The following GLDC variants were observed in gnomAD, a reference collection of about 807,000 sequenced individuals.
GLDC encodes glycine decarboxylase.
GLDC carries 104 observed loss-of-function variants against 121.3 expected under a neutral mutation model. The ratio of observed to expected loss-of-function variants is 0.86; its 90% CI spans 0.73 to 1.01. The LOEUF is 1.01. GLDC is among the 50% of genes least tolerant of loss of function. The probability of loss-of-function intolerance (pLI) is 0.00; values close to 1 mark genes in which losing one functional copy is unlikely to be tolerated. For missense variants in GLDC, 1,429 were observed against 1,306.6 expected (o/e 1.09, Z -1.44); for synonymous variants, 546 against 480.6 (o/e 1.14, Z -1.78).
chr9:6,536,036 T>C, intron 23 of GLDC, 28 bp downstream of exon 23: 1 of 1,597,598 alleles, frequency 6.3e-7, no homozygotes, highest in African/African-American at 1.3e-5. Context: ...TAAGGAACAT[T>C]TCAAGCAATG....
chr9:6,601,553 G>A (rs374780408), intron 8 of GLDC, among the ~76,000 whole-genome samples: 4 of 152,144 alleles, frequency 2.6e-5, no homozygotes, highest in African/African-American at 9.7e-5. Context: ...GTATGGTGAA[G>A]AGAAAGCATA....
In GLDC at chr9:6,607,669, G is replaced by C. The variant is rs551286021; in HGVS notation, c.636-1000C>G. 1.3e-4 allele frequency among the ~76,000 whole-genome samples: 20 copies of C among 151,660 alleles called. No homozygotes were observed. In the South Asian group the frequency reaches 3.6e-3, roughly 27 times the overall value. ...TTTATTTTTGGTGGGGGGAGAACAG[G>C]GTCTCGGTCTATCGCTCAGGCTGGA... On this transcript the variant is annotated intron_variant, in intron 4 of 24. Coordinates refer to ENST00000321612, the MANE Select transcript of GLDC (RefSeq NM_000170.3).
rs542056100 is a variant in GLDC, at chr9:6,536,063, C to T, written c.2838+1G>A. The T allele has an allele frequency of 1.2e-6, 2 of 1,612,396 alleles. No individual in the cohort carries two copies. The highest frequency in any genetic ancestry group is 2.7e-5 in the African/African-American group (2 of 74,912). On this transcript the variant is annotated splice_donor_variant, in intron 23 of 24. Coordinates refer to ENST00000321612, the MANE Select transcript of GLDC (RefSeq NM_000170.3). LOFTEE classifies it high-confidence loss of function. The stretch of plus-strand genomic sequence containing the variant: ...CAAGCAATGTTCCAGGGCCTACGCA[C>T]CTTCAGCGGATTGACCCTGGGGTCG...
chr9:6,625,416 G>A (rs983568192), intron 2 of GLDC, among the ~76,000 whole-genome samples: 1 of 152,204 alleles, frequency 6.6e-6, no homozygotes, highest in Non-Finnish European at 1.5e-5. Context: ...TATTATAGTA[G>A]TTGAAATAAT....
chr9:6,639,261 C>T (rs1819576398), intron 2 of GLDC: 1 of 901,220 alleles, frequency 1.1e-6, no homozygotes, highest in East Asian at 2.4e-5. Flanking sequence ...AAAAGAAGAT[C>T]CGCACATCAC....
intron 3 of GLDC, among the ~76,000 whole-genome samples, chr9:6,611,983 A>T (rs1235665095): frequency 8.4e-6 from 1 of 119,088 alleles, no homozygotes; most frequent in Non-Finnish European, 1.9e-5. Flanking sequence ...GTCTGATTCA[A>T]GATCACAACT....
intron 15 of GLDC, among the ~76,000 whole-genome samples, chr9:6,575,493 G>T (rs955517881): frequency 1.3e-5 from 2 of 152,186 alleles, no homozygotes; most frequent in African/African-American, 4.8e-5. Flanking sequence ...ACTCTGTAGG[G>T]TGAGGCTCAG....
intron 16 of GLDC, among the ~76,000 whole-genome samples, chr9:6,560,615 A>AT (rs965358731): frequency 6.6e-6 from 1 of 152,230 alleles, no homozygotes; most frequent in African/African-American, 2.4e-5. Flanking sequence ...CAGAATATTG[A>AT]TAAGAAGGAG....
chr9:6,555,773 CAG>C (rs1472294759), intron 18 of GLDC, among the ~76,000 whole-genome samples: 1 of 151,990 alleles, frequency 6.6e-6, no homozygotes, highest in Non-Finnish European at 1.5e-5. Flanking sequence ...GCCTTGGCGA[CAG>C]AGTGAGACTC....
chr9:6,545,132 C>A (rs963593380), intron 21 of GLDC, among the ~76,000 whole-genome samples: 1 of 152,004 alleles, frequency 6.6e-6, no homozygotes, highest in Non-Finnish European at 1.5e-5. Context: ...TATCATCTTA[C>A]CTGAGGTAAT....
At chr9:6,603,592 C>T (rs1036432256) in intron 7 of GLDC, among the ~76,000 whole-genome samples, 1 of 152,048 alleles carries the variant, frequency 6.6e-6, no homozygotes, top group African/African-American at 2.4e-5. Context: ...ATTATCATCA[C>T]ATCATTGACT....
At chr9:6,635,772 G>C (rs952750221) in intron 2 of GLDC, among the ~76,000 whole-genome samples, 1 of 152,122 alleles carries the variant, frequency 6.6e-6, no homozygotes, top group African/African-American at 2.4e-5. Flanking sequence ...CTACTTGGAA[G>C]GCTGAGGTGA....
intron 3 of GLDC, among the ~76,000 whole-genome samples, chr9:6,611,608 T>G (rs981750424): frequency 6.6e-6 from 1 of 152,048 alleles, no homozygotes; most frequent in African/African-American, 2.4e-5. Context: ...TCAGCAAATA[T>G]GTTTTACAGC....
At chr9:6,553,256 C>G in intron 20 of GLDC, 112 bp downstream of exon 20, 2 of 955,106 alleles carry the variant, frequency 2.1e-6, no homozygotes, top group South Asian at 2.8e-5. Context: ...TGAACCACAT[C>G]TCAGATCATG....
At chr9:6,564,545 G>C (rs1397856006) in intron 16 of GLDC, among the ~76,000 whole-genome samples, 2 of 152,296 alleles carry the variant, frequency 1.3e-5, no homozygotes, top group East Asian at 1.9e-4. Context: ...CAACTCTCTA[G>C]TATCAGCAGA....
chr9:6,643,845 C>G (rs1436199909), intron 2 of GLDC, among the ~76,000 whole-genome samples: 2 of 151,204 alleles, frequency 1.3e-5, no homozygotes, highest in African/African-American at 4.9e-5. Context: ...ACCAGCCTGG[C>G]CAACATGAAG....
At chr9:6,606,519 T>A (rs907586040) in intron 5 of GLDC, 73 bp downstream of exon 5, 1 of 957,696 alleles carries the variant, frequency 1.0e-6, no homozygotes, top group South Asian at 1.3e-5. Flanking sequence ...AGTTTGGAAG[T>A]GAGAAAGAGA....
chr9:6,643,758 G>A (rs527844273), intron 2 of GLDC, among the ~76,000 whole-genome samples: 1 of 151,922 alleles, frequency 6.6e-6, no homozygotes, highest in Non-Finnish European at 1.5e-5. Flanking sequence ...TCGGGGTAGG[G>A]CACAGTGACT....
At chr9:6,537,058 T>G (rs1012902740) in intron 22 of GLDC, among the ~76,000 whole-genome samples, 5 of 148,590 alleles carry the variant, frequency 3.4e-5, no homozygotes, top group Non-Finnish European at 7.4e-5. Flanking sequence ...GGAGACAGGG[T>G]CTTGCTGTAT....
Sources: allele counts gnomAD v4.1 joint callset (sites outside exome capture counted in the v4.1 genomes callset), GRCh38; gene constraint gnomAD v4.1.1; transcripts MANE v1.5; gene names NCBI Gene and HGNC (gene_info 2026-07-23, HGNC 2026-07-21).